Variants in GGNBP2 observed in about 807,000 individuals in gnomAD.
GGNBP2 encodes gametogenetin binding protein 2.
In GGNBP2, 10 loss-of-function variants were observed where a neutral mutation model predicts 85.9. That is an observed-to-expected ratio of 0.12 (90% CI 0.07 to 0.20). GGNBP2 has a LOEUF of 0.20. Among genes scored for constraint, GGNBP2 ranks in the 10% least tolerant of loss-of-function variants. GGNBP2 has a pLI of 1.00. For synonymous variants in GGNBP2, 287 were observed against 285.7 expected (o/e 1.00, Z -0.05); for missense variants, 595 against 857.8 (o/e 0.69, Z 3.83).
At chr17:36,546,246 G>T (rs937201518) in intron 2 of GGNBP2, 68 of 316,914 alleles carry the variant, frequency 2.1e-4, no homozygotes, top group Admixed American at 4.9e-5. Flanking sequence ...TTTAATACTG[G>T]TAGCTCTCAC....
intron 6 of GGNBP2, chr17:36,576,831 C>T (rs1034178821): frequency 6.6e-6 from 1 of 151,826 alleles, no homozygotes; most frequent in African/African-American, 2.4e-5. Flanking sequence ...GCCTGGGTGA[C>T]TCTGAATGGC....
At position 36,587,117 on chromosome 17, in the gene GGNBP2, T is replaced by G; in HGVS notation, c.1762T>G (p.Ser588Ala). ...TACACATCCTGAAAGCTGTTGCAGC[T>G]CTGAAAAGGGTGGGCAGCCATTGCC... ...KDTHPESCCS[S>A]EKGGQPLPWF... The change falls in exon 13 of 14, where the codon TCT (serine) becomes GCT (alanine). Residue 588 changes from serine (S) to alanine (A), a missense_variant. By Grantham distance (99) the Ser-to-Ala change is moderately conservative (BLOSUM62 1). Transcript: ENST00000613102. The G allele has an allele frequency of 1.2e-6, 2 of 1,614,076 alleles. No individual in the cohort carries two copies. The highest frequency in any genetic ancestry group is 1.7e-5 in the Admixed American group (1 of 60,010).
At chr17:36,555,042 A>C in intron 3 of GGNBP2, 142 bp downstream of exon 3, 1 of 567,744 alleles carries the variant, frequency 1.8e-6, no homozygotes. Context: ...TGCTATAGTA[A>C]GCATGCATAG....
chr17:36,585,704 A>C (rs1197745886), intron 10 of GGNBP2, 136 bp from the exon 11 acceptor site: 2 of 749,462 alleles, frequency 2.7e-6, no homozygotes, highest in Non-Finnish European at 4.1e-6. Flanking sequence ...TTAAAAAAAA[A>C]ATCCTTCATT....
Position 36,586,163 on chromosome 17 carries a change from AAG to A in GGNBP2, c.1608_1609del (p.Lys537GlufsTer8), listed in dbSNP as rs1413125622. On this transcript the variant is annotated frameshift_variant, in exon 12 of 14. Transcript: ENST00000613102. LOFTEE classifies it high-confidence loss of function. ...CACAAAAGGAAAAAATAAAAAGAAGAAGAAGAAAAGCAAGATACTGAAATGTG... is the reference window on the plus strand; with the variant it reads ...CACAAAAGGAAAAAATAAAAAGAAGAAAGAAAAGCAAGATACTGAAATGTG... ...NDTKGKNKKKKKKSKILKCDE... is the reference protein window; with the variant it reads ...NDTKGKNKKKXKKSKILKCDE... The A allele has an allele frequency of 6.0e-5, 97 of 1,613,598 alleles. No individual in the cohort carries two copies. Among genetic ancestry groups the A allele is most frequent in the Non-Finnish European group, 7.9e-5 (93 of 1,179,932 alleles).
chr17:36,557,343 A>G lies in GGNBP2; in HGVS notation c.428+7A>G, dbSNP rs1330508194. ...CATTATTTTATGTACATGGGTAAGTATAATCAATTAGGAGAAAATGGGTTT... is the reference window on the plus strand; with the variant it reads ...CATTATTTTATGTACATGGGTAAGTGTAATCAATTAGGAGAAAATGGGTTT... On this transcript the variant is annotated splice_region_variant and intron_variant, in intron 4 of 13. Transcript: ENST00000613102. The G allele has an allele frequency of 3.7e-6, 6 of 1,606,902 alleles. No individual in the cohort carries two copies. Among genetic ancestry groups the G allele is most frequent in the South Asian group, 2.2e-5 (2 of 90,704 alleles).
intron 6 of GGNBP2, among the ~76,000 whole-genome samples, chr17:36,571,157 G>C (rs1455477605): frequency 2.0e-5 from 3 of 152,214 alleles, no homozygotes; most frequent in Non-Finnish European, 4.4e-5. Flanking sequence ...TTAAGGCTGG[G>C]CATTGTGGCT....
rs753511824 is a variant in GGNBP2, at chr17:36,545,775, C to G, written c.51C>G (p.Phe17Leu). Reference sequence around the variant, plus strand: ...GGGACGGGGAGGAGGAGTTCCCCTTCGAGAGGAGGCAGATTCCCCTCTACA... The same window carrying G: ...GGGACGGGGAGGAGGAGTTCCCCTTGGAGAGGAGGCAGATTCCCCTCTACA... ...VCRDGEEEFP[F>L]ERRQIPLYID... Residue 17 changes from phenylalanine to leucine, a missense_variant, in exon 2 of 14, where the codon TTC becomes TTG. Coordinates refer to ENST00000613102, the MANE Select transcript of GGNBP2 (RefSeq NM_024835.5). 16 of 1,582,056 alleles carry G rather than the reference C, an allele frequency of 1.0e-5. No individual in the cohort carries two copies. The highest frequency in any genetic ancestry group is 1.4e-5 in the Non-Finnish European group (16 of 1,164,610).
At chr17:36,555,661 A>C (rs1280569665) in intron 3 of GGNBP2, among the ~76,000 whole-genome samples, 2 of 152,180 alleles carry the variant, frequency 1.3e-5, no homozygotes, top group African/African-American at 2.4e-5. Flanking sequence ...GCATCACTGC[A>C]CTCCAGCCTG....
intron 6 of GGNBP2, among the ~76,000 whole-genome samples, chr17:36,570,396 T>C (rs186297107): frequency 2.2e-4 from 33 of 152,100 alleles, no homozygotes; most frequent in African/African-American, 7.7e-4. Context: ...TCAAAAATAA[T>C]AAAAATTAAA....
Position 36,587,021 on chromosome 17 carries a change from A to T in GGNBP2, c.1666A>T (p.Thr556Ser), listed in dbSNP as rs1352008928. The T allele has an allele frequency of 3.1e-6, 5 of 1,613,270 alleles. No individual in the cohort carries two copies. The highest frequency in any genetic ancestry group is 4.2e-6 in the Non-Finnish European group (5 of 1,179,840). Residue 556 changes from threonine (T) to serine (S), a missense_variant, in exon 13 of 14, where the codon ACA becomes TCA. By Grantham distance (58) the Thr-to-Ser change is moderately conservative. Coordinates refer to ENST00000613102, the MANE Select transcript of GGNBP2 (RefSeq NM_024835.5). ...EHIQKLGSCI[T>S]DPGNRETSGN... ...GATCCAGAAGCTTGGAAGCTGTATT[A>T]CAGATCCAGGTAATCGAGAGACCTC...
intron 6 of GGNBP2, among the ~76,000 whole-genome samples, chr17:36,572,127 T>A (rs2070741574): frequency 6.6e-6 from 1 of 152,188 alleles, no homozygotes; most frequent in African/African-American, 2.4e-5. Context: ...GGCTTTTATA[T>A]CCTATTTTTA....
intron 4 of GGNBP2, among the ~76,000 whole-genome samples, chr17:36,560,257 C>T (rs1457200311): frequency 2.0e-5 from 3 of 152,092 alleles, no homozygotes; most frequent in Admixed American, 6.6e-5. Context: ...TGCACCAGGC[C>T]TGATTCTAGA....
chr17:36,550,362 T>C (rs1329000681), intron 2 of GGNBP2, among the ~76,000 whole-genome samples: 1 of 152,226 alleles, frequency 6.6e-6, no homozygotes, highest in Non-Finnish European at 1.5e-5. Flanking sequence ...TGTACAGCAT[T>C]AATCTGGTAA....
At chr17:36,565,312 G>A (rs190081134) in intron 5 of GGNBP2, among the ~76,000 whole-genome samples, 43 of 152,284 alleles carry the variant, frequency 2.8e-4, no homozygotes, top group African/African-American at 9.6e-4. Context: ...AGCTGTGAAT[G>A]GAGAGTATGG....
chr17:36,566,098 G>A (rs537539669), intron 5 of GGNBP2, among the ~76,000 whole-genome samples: 1 of 152,310 alleles, frequency 6.6e-6, no homozygotes, highest in Admixed American at 6.5e-5. Context: ...TAAGTTAAAA[G>A]TTCAGAGGTT....
At chr17:36,559,632 C>G (rs1204308261) in intron 4 of GGNBP2, among the ~76,000 whole-genome samples, 2 of 151,970 alleles carry the variant, frequency 1.3e-5, no homozygotes, top group Non-Finnish European at 1.5e-5. Flanking sequence ...TAATCTGATT[C>G]ATATTTTAAA....
rs150215940 is a variant in GGNBP2 at position 36,587,126 on chromosome 17, G to T, written c.1771G>T (p.Gly591Cys). The T allele has an allele frequency of 1.2e-6, 2 of 1,614,046 alleles. No homozygotes were observed. Among genetic ancestry groups the T allele is most frequent in the African/African-American group, 1.3e-5 (1 of 74,966 alleles). ...TGAAAGCTGTTGCAGCTCTGAAAAGGGTGGGCAGCCATTGCCTTGGTTTGA... is the reference window on the plus strand; with the variant it reads ...TGAAAGCTGTTGCAGCTCTGAAAAGTGTGGGCAGCCATTGCCTTGGTTTGA... The part of the protein sequence containing the change: ...HPESCCSSEK[G>C]GQPLPWFEHR... The change falls in exon 13 of 14, where the codon GGT becomes TGT. Residue 591 changes from glycine (G) to cysteine (C), a missense_variant. Physicochemically the swap from Gly to Cys is radical, Grantham distance 159. Coordinates refer to ENST00000613102, the MANE Select transcript of GGNBP2 (RefSeq NM_024835.5).
chr17:36,553,366 G>A (rs909063710), intron 2 of GGNBP2, among the ~76,000 whole-genome samples: 5 of 151,906 alleles, frequency 3.3e-5, no homozygotes, highest in African/African-American at 7.3e-5. Context: ...ATATTCCTCC[G>A]TTATCAAGAA....
Sources: gnomAD v4.1 joint callset for allele counts (sites outside exome capture counted in the v4.1 genomes callset) on GRCh38, gnomAD v4.1.1 for gene constraint, MANE v1.5 for transcripts, NCBI Gene and HGNC (gene_info 2026-07-23, HGNC 2026-07-21) for gene names.